GABRB2: variants seen among roughly 807,000 people sequenced by gnomAD.
The protein encoded by GABRB2 is gamma-aminobutyric acid type A receptor subunit beta2.
In GABRB2, 16 loss-of-function variants were observed where a neutral mutation model predicts 54.7. That is an observed-to-expected ratio of 0.29 (90% CI 0.20 to 0.44). The LOEUF (loss-of-function observed/expected upper bound fraction) is 0.44, where lower values mean the gene tolerates loss of function less well. Ranked by LOEUF, GABRB2 falls within the 20% of genes least tolerant of loss-of-function variation. The probability of loss-of-function intolerance (pLI) is 1.00; values close to 1 mark genes in which losing one functional copy is unlikely to be tolerated. For missense variants in GABRB2, 355 were observed against 644.0 expected (o/e 0.55, Z 4.86); for synonymous variants, 244 against 233.8 (o/e 1.04, Z -0.40).
chr5:161,509,228 C>T (rs1759693466), intron 3 of GABRB2, among the ~76,000 whole-genome samples: 1 of 151,992 alleles, frequency 6.6e-6, no homozygotes, highest in Non-Finnish European at 1.5e-5. Flanking sequence ...ATATGATTAG[C>T]TGAGTAAACT....
At chr5:161,463,671 G>T (rs1758196411) in intron 3 of GABRB2, among the ~76,000 whole-genome samples, 1 of 141,308 alleles carries the variant, frequency 7.1e-6, no homozygotes, top group African/African-American at 2.6e-5. Context: ...TCTGATATCA[G>T]GACTTACTAT....
intron 4 of GABRB2, 22 bp from the exon 5 acceptor site, chr5:161,411,079 T>C: frequency 1.3e-6 from 2 of 1,577,374 alleles, no homozygotes; most frequent in South Asian, 2.2e-5. Context: ...ATAGCAATGA[T>C]GAGTGTTGTT....
In GABRB2 at chr5:161,459,929, A is replaced by G. The variant is rs955281458; in HGVS notation, c.238-85T>C. On this transcript the variant is annotated intron_variant, in intron 3 of 9. Transcript: ENST00000393959. Reference sequence around the variant, plus strand: ...GCAAACATCTCAGTATTAATAAGAAAATGAATTTATTTTTAATTTATTTTT... The same window carrying G: ...GCAAACATCTCAGTATTAATAAGAAGATGAATTTATTTTTAATTTATTTTT... 5 of 703,042 alleles carry G rather than the reference A, an allele frequency of 7.1e-6. No homozygotes were observed. In the African/African-American group the frequency reaches 7.3e-5, roughly 10 times the overall value. The allele number at this position is 703,042 out of a possible 1,614,324, so 43.6% of individuals were successfully genotyped here.
At chr5:161,336,032 C>A (rs1000275846) in intron 6 of GABRB2, among the ~76,000 whole-genome samples, 2 of 152,002 alleles carry the variant, frequency 1.3e-5, no homozygotes, top group Admixed American at 6.6e-5. Context: ...TTTATTGCTA[C>A]AAAAATGCAA....
intron 9 of GABRB2, among the ~76,000 whole-genome samples, chr5:161,304,021 G>C (rs1386280588): frequency 6.6e-6 from 1 of 152,170 alleles, no homozygotes; most frequent in African/African-American, 2.4e-5. Flanking sequence ...TACAAAGTAA[G>C]TATTCCAAAC....
chr5:161,358,122 C>A (rs921622351), intron 5 of GABRB2, among the ~76,000 whole-genome samples: 3 of 151,910 alleles, frequency 2.0e-5, no homozygotes, highest in African/African-American at 7.3e-5. Context: ...AAGGAAACCA[C>A]AAAGAAATCA....
chr5:161,351,505 A>G (rs1754467806), intron 5 of GABRB2, among the ~76,000 whole-genome samples: 1 of 152,152 alleles, frequency 6.6e-6, no homozygotes. Context: ...ATGCAGAAGA[A>G]TGAAATTAAA....
Position 161,541,318 on chromosome 5 carries a change from T to C in GABRB2, c.237+3909A>G, listed in dbSNP as rs76518763. On this transcript the variant is annotated intron_variant, in intron 3 of 9. Coordinates refer to ENST00000393959, the MANE Select transcript of GABRB2 (RefSeq NM_001371727.1). ...GATTTAGCATCATTCTTAAGGGACC[T>C]AGGATTTGAGACAGCATTCACTTAA... 5.0e-3 allele frequency among the ~76,000 whole-genome samples: 768 copies of C among 152,280 alleles called. 14 individuals carry two copies. Among genetic ancestry groups the C allele is most frequent in the African/African-American group, 0.018 (737 of 41,548 alleles).
At chr5:161,305,550 G>A (rs916689321) in intron 9 of GABRB2, among the ~76,000 whole-genome samples, 1 of 152,162 alleles carries the variant, frequency 6.6e-6, no homozygotes, top group African/African-American at 2.4e-5. Flanking sequence ...GTGAAGGCTT[G>A]TTCTAGTTTA....
At chr5:161,458,031 T>C (rs918941249) in intron 4 of GABRB2, among the ~76,000 whole-genome samples, 1 of 152,178 alleles carries the variant, frequency 6.6e-6, no homozygotes, top group Admixed American at 6.5e-5. Context: ...GGGTAACTTA[T>C]CATTTCTAAG....
intron 8 of GABRB2, chr5:161,330,505 T>C (rs1223405542): frequency 6.2e-6 from 1 of 161,256 alleles, no homozygotes; most frequent in Non-Finnish European, 1.4e-5. Context: ...TTGTTACTTA[T>C]ATATTTGTAA....
intron 4 of GABRB2, among the ~76,000 whole-genome samples, chr5:161,424,311 G>T (rs192800976): frequency 7.2e-5 from 11 of 152,256 alleles, no homozygotes; most frequent in African/African-American, 2.4e-4. Flanking sequence ...TAGCTAGAGA[G>T]GAGAAGTCAA....
intron 3 of GABRB2, among the ~76,000 whole-genome samples, chr5:161,479,278 C>T (rs1379212532): frequency 2.0e-5 from 3 of 152,024 alleles, no homozygotes; most frequent in African/African-American, 7.2e-5. Flanking sequence ...CACAAACAGG[C>T]CAGGATTGTC....
intron 9 of GABRB2, among the ~76,000 whole-genome samples, chr5:161,321,002 T>C (rs1238049576): frequency 2.0e-5 from 3 of 151,970 alleles, no homozygotes; most frequent in African/African-American, 7.2e-5. Flanking sequence ...TGCTGTAGTG[T>C]ATACCACAAA....
intron 4 of GABRB2, among the ~76,000 whole-genome samples, chr5:161,446,615 G>A (rs115783996): frequency 6.6e-6 from 1 of 152,132 alleles, no homozygotes; most frequent in Non-Finnish European, 1.5e-5. Context: ...GTACAACTTT[G>A]AACAAGTTAC....
intron 8 of GABRB2, 170 bp downstream of exon 8, chr5:161,330,713 T>C (rs1371945374): frequency 1.1e-6 from 1 of 877,146 alleles, no homozygotes; most frequent in Non-Finnish European, 1.7e-6. Flanking sequence ...TGTCATGAGT[T>C]TGGTCCCTAA....
intron 5 of GABRB2, among the ~76,000 whole-genome samples, chr5:161,402,359 A>G (rs976850751): frequency 9.2e-5 from 14 of 152,152 alleles, no homozygotes; most frequent in African/African-American, 3.4e-4. Context: ...TATGCAGTTA[A>G]ATATTCATAT....
intron 5 of GABRB2, among the ~76,000 whole-genome samples, chr5:161,396,760 A>T (rs1442181869): frequency 6.6e-6 from 1 of 152,190 alleles, no homozygotes; most frequent in South Asian, 2.1e-4. Context: ...AAATATACTC[A>T]ATTTTATTTG....
intron 4 of GABRB2, among the ~76,000 whole-genome samples, chr5:161,420,714 T>G (rs1203046723): frequency 6.6e-6 from 1 of 152,204 alleles, no homozygotes; most frequent in Non-Finnish European, 1.5e-5. Context: ...GAGGGAGTGC[T>G]GCTCTTCTTT....
Sources: allele counts gnomAD v4.1 joint callset (sites outside exome capture counted in the v4.1 genomes callset), GRCh38; gene constraint gnomAD v4.1.1; transcripts MANE v1.5; gene names NCBI Gene and HGNC (gene_info 2026-07-23, HGNC 2026-07-21).